The following ABRAXAS2 variants were observed in gnomAD, a reference collection of about 807,000 sequenced individuals.
The protein encoded by ABRAXAS2 is BRISC complex subunit Abraxas 2.
Under a neutral mutation model 49.0 loss-of-function variants are expected in ABRAXAS2, and 23 were observed. The ratio of observed to expected loss-of-function variants is 0.47; its 90% CI spans 0.34 to 0.66. The LOEUF is 0.66. Among genes scored for constraint, ABRAXAS2 ranks in the 30% least tolerant of loss-of-function variants. ABRAXAS2 has a pLI of 0.01. For missense variants in ABRAXAS2, 443 were observed against 511.9 expected (o/e 0.87, Z 1.30); for synonymous variants, 168 against 180.2 (o/e 0.93, Z 0.54).
intron 4 of ABRAXAS2, among the ~76,000 whole-genome samples, chr10:124,824,754 A>G (rs757526576): frequency 2.6e-5 from 4 of 152,198 alleles, no homozygotes; most frequent in Non-Finnish European, 5.9e-5. Context: ...TCTGCTGAGT[A>G]GGTAATTCCA....
intron 8 of ABRAXAS2, 23 bp downstream of exon 8, chr10:124,831,486 C>A: frequency 7.9e-7 from 1 of 1,264,622 alleles, no homozygotes; most frequent in South Asian, 1.2e-5. Flanking sequence ...TTAATTTTAC[C>A]ATTCAGTATC....
chr10:124,819,685 A>T (rs1267129171), intron 4 of ABRAXAS2, among the ~76,000 whole-genome samples: 1 of 152,010 alleles, frequency 6.6e-6, no homozygotes, highest in Non-Finnish European at 1.5e-5. Context: ...GAGGAATGAG[A>T]CTTGCTAGAA....
rs201177533 is a variant in ABRAXAS2, at chr10:124,833,159, AG to A, written c.779-1342del. ...AGACTCTGTCTCAAAAAAAAAAAAA[AG>A]AAAGAAAGAAAGAAAGAAAAACTAG... On this transcript the variant is annotated intron_variant, in intron 8 of 8. Transcript: ENST00000298492. 4.0e-3 allele frequency among the ~76,000 whole-genome samples: 569 copies of A among 141,798 alleles called. 35 individuals are homozygous for A. The highest frequency in any genetic ancestry group is 1.0e-2 in the African/African-American group (380 of 38,168). The allele number at this position is 141,798 out of a possible 152,430, so 93.0% of individuals were successfully genotyped here.
chr10:124,818,574 C>T (rs998650830), intron 3 of ABRAXAS2, among the ~76,000 whole-genome samples: 2 of 152,116 alleles, frequency 1.3e-5, no homozygotes, highest in South Asian at 2.1e-4. Flanking sequence ...GTGTCTCTTG[C>T]CTTCCAAGTC....
chr10:124,822,955 T>C (rs765684118), intron 4 of ABRAXAS2, among the ~76,000 whole-genome samples: 6 of 152,090 alleles, frequency 3.9e-5, no homozygotes, highest in Non-Finnish European at 7.4e-5. Context: ...CGGCCAAGAG[T>C]CTCAAAACAG....
At chr10:124,803,313 T>C (rs547866176) in intron 1 of ABRAXAS2, among the ~76,000 whole-genome samples, 1 of 152,382 alleles carries the variant, frequency 6.6e-6, no homozygotes, top group South Asian at 2.1e-4. Flanking sequence ...AACTGTGTTT[T>C]ATATGACCAT....
chr10:124,805,160 C>T (rs1446089267), intron 1 of ABRAXAS2, among the ~76,000 whole-genome samples: 1 of 151,852 alleles, frequency 6.6e-6, no homozygotes, highest in Non-Finnish European at 1.5e-5. Context: ...GGTGAAACCC[C>T]GTCTCTACTA....
chr10:124,818,652 T>C (rs193181648), intron 3 of ABRAXAS2, among the ~76,000 whole-genome samples: 30 of 152,290 alleles, frequency 2.0e-4, no homozygotes, highest in African/African-American at 7.0e-4. Context: ...CCCAGGTTTA[T>C]GGTGGTAGGA....
chr10:124,815,506 T>C (rs1195130048), intron 2 of ABRAXAS2, among the ~76,000 whole-genome samples: 1 of 152,190 alleles, frequency 6.6e-6, no homozygotes, highest in Non-Finnish European at 1.5e-5. Flanking sequence ...TGGTTTCCTT[T>C]TAATTGAGTT....
chr10:124,834,634 C>T lies in ABRAXAS2; in HGVS notation c.911C>T (p.Pro304Leu), dbSNP rs770123340. The change falls in exon 9 of 9, where the codon CCT becomes CTT. Residue 304 changes from proline (P) to leucine (L), a missense_variant. By Grantham distance (98) the Pro-to-Leu change is moderately conservative (BLOSUM62 -3). Transcript: ENST00000298492. The stretch of plus-strand genomic sequence containing the variant: ...CTTGGAGATGCAGAGGCCTCGGATC[C>T]TCCTCCCCCTTACTCTGATTTTCAC... ...STLGDAEASD[P>L]PPPYSDFHPN... The T allele has an allele frequency of 1.9e-6, 3 of 1,613,988 alleles. No individual in the cohort carries two copies. In the Admixed American group the frequency reaches 5.0e-5, roughly 27 times the overall value.
intron 2 of ABRAXAS2, among the ~76,000 whole-genome samples, chr10:124,810,292 G>A (rs545496007): frequency 9.2e-5 from 14 of 152,282 alleles, no homozygotes; most frequent in Admixed American, 2.6e-4. Flanking sequence ...TCGGGAGGCC[G>A]AGGCAGGAGG....
chr10:124,826,873 G>C lies in ABRAXAS2; in HGVS notation c.458+88G>C. 2.4e-6 allele frequency: 3 copies of C among 1,274,862 alleles called. No individual in the cohort carries two copies. The South Asian group carries it at 4.1e-5, about 17-fold the overall frequency. The allele number at this position is 1,274,862 out of a possible 1,614,324, so 79.0% of individuals were successfully genotyped here. A position where few individuals can be genotyped will look rare whatever the true frequency, so the allele number is the denominator to read the frequency against. ...TTACGCCTGTAATCCCAGCACTTTGGAAGGCTGAGGCGGATGGATCATGAG... is the reference window on the plus strand; with the variant it reads ...TTACGCCTGTAATCCCAGCACTTTGCAAGGCTGAGGCGGATGGATCATGAG... On this transcript the variant is annotated intron_variant, in intron 5 of 8. Coordinates refer to ENST00000298492, the MANE Select transcript of ABRAXAS2 (RefSeq NM_032182.4).
chr10:124,830,620 G>A (rs886330736), intron 7 of ABRAXAS2, among the ~76,000 whole-genome samples: 1 of 152,190 alleles, frequency 6.6e-6, no homozygotes, highest in Admixed American at 6.5e-5. Context: ...ACCAGAATAG[G>A]GAACTTTATA....
At chr10:124,823,447 C>T (rs1247808868) in intron 4 of ABRAXAS2, among the ~76,000 whole-genome samples, 1 of 152,200 alleles carries the variant, frequency 6.6e-6, no homozygotes, top group Non-Finnish European at 1.5e-5. Context: ...ACAATGTTTG[C>T]ACAAGCCTCA....
At position 124,834,666 on chromosome 10, in the gene ABRAXAS2, A is replaced by G. The variant is rs969985372; in HGVS notation, c.943A>G (p.Asn315Asp). 5 of 1,614,050 alleles carry G rather than the reference A, an allele frequency of 3.1e-6. No individual in the cohort carries two copies. The highest frequency in any genetic ancestry group is 4.2e-6 in the Non-Finnish European group (5 of 1,180,032). The change falls in exon 9 of 9, where the codon AAT (asparagine) becomes GAT (aspartate). Residue 315 changes from asparagine (N) to aspartate (D), a missense_variant. Physicochemically the swap from Asn to Asp is conservative, Grantham distance 23. Transcript: ENST00000298492. ...CCCTTACTCTGATTTTCACCCAAAC[A>G]ATCAAGAAAGTACTTTGAGCCACTC... ...PPPYSDFHPNNQESTLSHSRM... is the reference protein window; with the variant it reads ...PPPYSDFHPNDQESTLSHSRM...
At chr10:124,821,348 C>G (rs976179697) in intron 4 of ABRAXAS2, among the ~76,000 whole-genome samples, 1 of 152,010 alleles carries the variant, frequency 6.6e-6, no homozygotes, top group Non-Finnish European at 1.5e-5. Context: ...AGGTGGGTCA[C>G]GAGGTCAGGA....
At chr10:124,804,286 ACACT>A (rs1223128139) in intron 1 of ABRAXAS2, among the ~76,000 whole-genome samples, 2 of 152,248 alleles carry the variant, frequency 1.3e-5, no homozygotes, top group African/African-American at 2.4e-5. Context: ...GAAATACAGC[ACACT>A]CAGTTAATTT....
Position 124,826,757 on chromosome 10 carries a change from G to GA in ABRAXAS2, c.432dup (p.Tyr145IlefsTer8). On this transcript the variant is annotated frameshift_variant, in exon 5 of 9. Transcript: ENST00000298492. LOFTEE classifies it high-confidence loss of function. ...TGCCAACAATTCCACTCACGCTTTAGAATATGTGCTCTTCAGACCAAATAG... is the reference window on the plus strand; with the variant it reads ...TGCCAACAATTCCACTCACGCTTTAGAAATATGTGCTCTTCAGACCAAATAG... 1 of 1,614,148 alleles carries GA rather than the reference G, an allele frequency of 6.2e-7. No homozygotes were observed. The highest frequency in any genetic ancestry group is 8.5e-7 in the Non-Finnish European group (1 of 1,180,032).
intron 1 of ABRAXAS2, among the ~76,000 whole-genome samples, chr10:124,803,166 A>G (rs939754760): frequency 6.6e-6 from 1 of 152,212 alleles, no homozygotes; most frequent in African/African-American, 2.4e-5. Flanking sequence ...ATCACAGTTT[A>G]TGTATATGGC....
Sources: allele counts gnomAD v4.1 joint callset (sites outside exome capture counted in the v4.1 genomes callset), GRCh38; gene constraint gnomAD v4.1.1; transcripts MANE v1.5; gene names NCBI Gene and HGNC (gene_info 2026-07-23, HGNC 2026-07-21).